LRRC4C: variants seen among roughly 807,000 people sequenced by gnomAD.
The protein encoded by LRRC4C is leucine rich repeat containing 4C.
In LRRC4C, 5 loss-of-function variants were observed where a neutral mutation model predicts 33.6. The observed-to-expected ratio is 0.15, with a 90% CI of 0.08 to 0.31. The LOEUF (loss-of-function observed/expected upper bound fraction) is 0.31. Ranked by LOEUF, LRRC4C falls within the 10% of genes least tolerant of loss-of-function variation. LRRC4C has a pLI of 1.00. For synonymous variants in LRRC4C, 329 were observed against 302.0 expected, an observed-to-expected ratio of 1.09 and a Z score of -0.93; for missense variants, 560 against 796.7, an observed-to-expected ratio of 0.70 and a Z score of 3.58.
chr11:40,794,247 T>C (rs1950736816), intron 2 of LRRC4C, among the ~76,000 whole-genome samples: 1 of 152,042 alleles, frequency 6.6e-6, no homozygotes. Context: ...AGCAATACAT[T>C]CTGAGAGACT....
intron 1 of LRRC4C, among the ~76,000 whole-genome samples, chr11:41,220,485 G>A (rs1947255003): frequency 6.8e-5 from 1 of 14,744 alleles, no homozygotes; most frequent in Non-Finnish European, 3.2e-4. Flanking sequence ...CTAGAAAACA[G>A]CTTTTTTTTT....
chr11:41,161,169 A>G (rs913478588), intron 1 of LRRC4C, among the ~76,000 whole-genome samples: 1 of 152,198 alleles, frequency 6.6e-6, no homozygotes. Context: ...TGTGCTTTTA[A>G]AGATGAGACT....
chr11:41,262,335 T>G (rs1949008712), intron 1 of LRRC4C, among the ~76,000 whole-genome samples: 1 of 151,754 alleles, frequency 6.6e-6, no homozygotes, highest in Non-Finnish European at 1.5e-5. Context: ...CTAAAATATC[T>G]ATTATGTGGC....
At chr11:40,246,964 A>C (rs558286241) in intron 4 of LRRC4C, among the ~76,000 whole-genome samples, 1 of 152,330 alleles carries the variant, frequency 6.6e-6, no homozygotes, top group East Asian at 1.9e-4. Context: ...CCAACTGCTC[A>C]GTGGGAGATA....
At chr11:40,875,889 C>G (rs895627720) in intron 2 of LRRC4C, among the ~76,000 whole-genome samples, 1 of 151,896 alleles carries the variant, frequency 6.6e-6, no homozygotes, top group African/African-American at 2.4e-5. Context: ...CAGTGGGAGC[C>G]CTGAGCTTGT....
At chr11:41,448,470 T>C (rs1955912437) in intron 1 of LRRC4C, among the ~76,000 whole-genome samples, 2 of 151,904 alleles carry the variant, frequency 1.3e-5, no homozygotes, top group Admixed American at 6.6e-5. Context: ...CATGCCTGGC[T>C]AATTTTTGTA....
rs538678179 is a variant in LRRC4C, at chr11:40,210,705, T to C, written c.-96+30814A>G. ...GACAAGCTCCTGTAAGAACAATTCC[T>C]TGAGAGCATTTGTATTGCTTGTCTC... On this transcript the variant is annotated intron_variant, in intron 5 of 6. Coordinates refer to ENST00000528697, the MANE Select transcript of LRRC4C (RefSeq NM_001258419.2). 4.6e-5 allele frequency among the ~76,000 whole-genome samples: 7 copies of C among 152,332 alleles called. 1 individual carries two copies. The East Asian group carries it at 9.6e-4, about 21-fold the overall frequency.
At chr11:40,281,464 T>G (rs749079371) in intron 4 of LRRC4C, among the ~76,000 whole-genome samples, 1 of 152,126 alleles carries the variant, frequency 6.6e-6, no homozygotes, top group South Asian at 2.1e-4. Context: ...CTCTCTCTCT[T>G]TCCCCTAAGG....
chr11:40,801,093 T>A (rs1405673693), intron 2 of LRRC4C, among the ~76,000 whole-genome samples: 1 of 152,190 alleles, frequency 6.6e-6, no homozygotes, highest in Non-Finnish European at 1.5e-5. Context: ...TTCTTCCTGA[T>A]TTCCATAGTC....
At chr11:41,049,647 G>A (rs573676631) in intron 1 of LRRC4C, among the ~76,000 whole-genome samples, 22 of 152,238 alleles carry the variant, frequency 1.4e-4, no homozygotes, top group South Asian at 6.2e-4. Context: ...AAAGAGAAGC[G>A]TACAGATTTA....
chr11:40,501,838 G>T (rs1954790121), intron 3 of LRRC4C, among the ~76,000 whole-genome samples: 1 of 152,112 alleles, frequency 6.6e-6, no homozygotes, highest in African/African-American at 2.4e-5. Context: ...TCTGCAGCAG[G>T]CTTGAATTTC....
intron 2 of LRRC4C, among the ~76,000 whole-genome samples, chr11:40,680,483 C>A (rs890800754): frequency 6.6e-6 from 1 of 152,148 alleles, no homozygotes; most frequent in African/African-American, 2.4e-5. Context: ...ATAAGTCCCA[C>A]CTGTTGTTCG....
At chr11:40,537,420 G>A (rs540902644) in intron 3 of LRRC4C, among the ~76,000 whole-genome samples, 1 of 152,246 alleles carries the variant, frequency 6.6e-6, no homozygotes, top group Admixed American at 6.5e-5. Flanking sequence ...CCAGCAGTCT[G>A]GCTCCCAAGG....
At position 40,116,276 on chromosome 11, in the gene LRRC4C, G is replaced by A. The variant is rs1251366692; in HGVS notation, c.17C>T (p.Thr6Ile). The change falls in exon 7 of 7, where the codon ACC becomes ATC. Residue 6 changes from threonine to isoleucine, a missense_variant. By Grantham distance (89) the Thr-to-Ile change is moderately conservative. Around this residue, in one of 3 missense-constraint regions of LRRC4C, gnomAD observed 455 missense variants for 643.8 expected, o/e 0.71. Coordinates refer to ENST00000528697, the MANE Select transcript of LRRC4C (RefSeq NM_001258419.2). ...TATCATTATCTGCTGTGGATGTAAG[G>A]TCATCTTGTTCAACATTCATAATTT... MLNKM[T>I]LHPQQIMIGP... is the part of the protein sequence containing the mutation. 1.3e-6 allele frequency: 2 copies of A among 1,595,654 alleles called. No homozygotes were observed. The highest frequency in any genetic ancestry group is 1.1e-5 in the South Asian group (1 of 89,878).
chr11:40,309,839 C>G (rs866233952), intron 4 of LRRC4C, among the ~76,000 whole-genome samples: 1 of 152,112 alleles, frequency 6.6e-6, no homozygotes, highest in African/African-American at 2.4e-5. Context: ...CTCAGGCCCC[C>G]AGAAGCAGGA....
chr11:40,763,928 C>A (rs1949338609), intron 2 of LRRC4C, among the ~76,000 whole-genome samples: 1 of 152,126 alleles, frequency 6.6e-6, no homozygotes, highest in African/African-American at 2.4e-5. Context: ...CTGTACTGGG[C>A]TCAGAGCCAG....
intron 1 of LRRC4C, among the ~76,000 whole-genome samples, chr11:41,041,295 G>T (rs1857418144): frequency 6.6e-6 from 1 of 152,254 alleles, no homozygotes; most frequent in African/African-American, 2.4e-5. Context: ...TTTAATGGTT[G>T]TAAAGATATC....
At chr11:40,485,979 A>T (rs1012086315) in intron 3 of LRRC4C, among the ~76,000 whole-genome samples, 3 of 151,974 alleles carry the variant, frequency 2.0e-5, no homozygotes, top group Admixed American at 1.3e-4. Flanking sequence ...AACAACACAC[A>T]CCGAGGCCTA....
At chr11:41,441,838 G>T (rs73475924) in intron 1 of LRRC4C, among the ~76,000 whole-genome samples, 1 of 151,988 alleles carries the variant, frequency 6.6e-6, no homozygotes, top group Non-Finnish European at 1.5e-5. Context: ...AATTCATTTA[G>T]GTTTCTTGAG....
Sources: gnomAD v4.1 joint callset for allele counts (sites outside exome capture counted in the v4.1 genomes callset) on GRCh38, gnomAD v4.1.1 for gene constraint, gnomAD v4.1.1 regional missense constraint, MANE v1.5 for transcripts, NCBI Gene and HGNC (gene_info 2026-07-23, HGNC 2026-07-21) for gene names.